ROR1: variants seen among roughly 807,000 people sequenced by gnomAD.
ROR1 encodes the protein ROR family WNT receptor 1, also known as inactive tyrosine-protein kinase transmembrane receptor ROR1.
ROR1 carries 19 observed loss-of-function variants against 78.8 expected under a neutral mutation model. That is an observed-to-expected ratio of 0.24 (90% confidence interval 0.17 to 0.35). ROR1 has a LOEUF of 0.35. ROR1 is among the 10% of genes least tolerant of loss of function. The probability of loss-of-function intolerance (pLI) is 1.00; values close to 1 mark genes in which losing one functional copy is unlikely to be tolerated. For synonymous variants in ROR1, 386 were observed against 433.6 expected, an observed-to-expected ratio of 0.89 and a Z score of 1.36; for missense variants, 917 against 1,177.8, an observed-to-expected ratio of 0.78 and a Z score of 3.24.
intron 1 of ROR1, among the ~76,000 whole-genome samples, chr1:63,851,757 T>C (rs1641600407): frequency 6.6e-6 from 1 of 152,258 alleles, no homozygotes. Context: ...AAACATGTGC[T>C]GGGCAAAGGG....
chr1:63,825,976 C>G (rs1037742627), intron 1 of ROR1, among the ~76,000 whole-genome samples: 1 of 152,044 alleles, frequency 6.6e-6, no homozygotes, highest in Admixed American at 6.6e-5. Flanking sequence ...GAAATAAATA[C>G]AAGGAAATAC....
chr1:64,140,706 A>T lies in ROR1; in HGVS notation c.928+280A>T, dbSNP rs1649284731. Among the ~76,000 whole-genome samples the T allele has an allele frequency of 2.6e-5, 4 of 152,240 alleles. No individual in the cohort carries two copies. The South Asian group carries it at 6.2e-4, about 24-fold the overall frequency. On this transcript the variant is annotated intron_variant, in intron 6 of 8. Coordinates refer to ENST00000371079, the MANE Select transcript of ROR1 (RefSeq NM_005012.4). ...CAATTCTACTCCTGAGTATGTAATC[A>T]AAAGAACTGAAAACAGATGTTCAAA... is the stretch of plus-strand genomic sequence containing the variant.
intron 1 of ROR1, among the ~76,000 whole-genome samples, chr1:63,924,925 G>A (rs1645687255): frequency 6.9e-6 from 1 of 145,314 alleles, no homozygotes; most frequent in Non-Finnish European, 1.5e-5. Context: ...GACCAGCAAA[G>A]GGGATGCTTT....
intron 1 of ROR1, among the ~76,000 whole-genome samples, chr1:63,900,086 A>G (rs1378494039): frequency 6.6e-6 from 1 of 152,092 alleles, no homozygotes; most frequent in Non-Finnish European, 1.5e-5. Flanking sequence ...TTTTTATACT[A>G]ATTTTCATGC....
chr1:64,138,866 C>A (rs1258662506), intron 5 of ROR1, among the ~76,000 whole-genome samples: 2 of 152,002 alleles, frequency 1.3e-5, no homozygotes, highest in Non-Finnish European at 2.9e-5. Flanking sequence ...TCCACAAAAG[C>A]AAGTAGACAT....
chr1:64,024,675 T>C (rs986392915), intron 2 of ROR1, among the ~76,000 whole-genome samples: 2 of 152,188 alleles, frequency 1.3e-5, no homozygotes, highest in Admixed American at 6.5e-5. Flanking sequence ...AGGTACCTAC[T>C]ACACAGTGTT....
intron 8 of ROR1, 63 bp from the exon 9 acceptor site, chr1:64,177,365 G>A (rs1650410396): frequency 7.9e-6 from 10 of 1,266,152 alleles, no homozygotes; most frequent in East Asian, 2.3e-5. Context: ...CCCTCCTTTC[G>A]GATGCAAAGC....
chr1:63,952,512 C>A lies in ROR1; in HGVS notation c.92-56793C>A, dbSNP rs1645948338. 2.0e-5 allele frequency among the ~76,000 whole-genome samples: 3 copies of A among 152,200 alleles called. No individual in the cohort carries two copies. In the South Asian group the frequency reaches 6.2e-4, roughly 32 times the overall value. On this transcript the variant is annotated intron_variant, in intron 1 of 8. Coordinates refer to ENST00000371079, the MANE Select transcript of ROR1 (RefSeq NM_005012.4). ...GGCAGAGTTCAGCATAGAAAGAAGG[C>A]CAGTGGCAGCCACTGCAGGGCCCCA... is the stretch of plus-strand genomic sequence containing the variant.
chr1:63,916,113 A>G (rs757666714), intron 1 of ROR1, among the ~76,000 whole-genome samples: 3 of 152,152 alleles, frequency 2.0e-5, no homozygotes, highest in Non-Finnish European at 4.4e-5. Context: ...AAACATTTCT[A>G]CCCTATTTTT....
At chr1:64,050,041 G>A in intron 3 of ROR1, 63 bp downstream of exon 3, 1 of 1,559,262 alleles carries the variant, frequency 6.4e-7, no homozygotes, top group Non-Finnish European at 8.8e-7. Context: ...GATGGCTAGA[G>A]TCCACAGGGA....
intron 1 of ROR1, among the ~76,000 whole-genome samples, chr1:63,892,209 T>C (rs1645402858): frequency 6.6e-6 from 1 of 152,094 alleles, no homozygotes; most frequent in African/African-American, 2.4e-5. Flanking sequence ...CACAATTGAA[T>C]AGGGGAAAAG....
chr1:63,916,203 G>A (rs944381089), intron 1 of ROR1, among the ~76,000 whole-genome samples: 12 of 152,168 alleles, frequency 7.9e-5, no homozygotes, highest in Admixed American at 5.2e-4. Context: ...TTTCCTCTTC[G>A]CATGAACAAT....
At chr1:64,003,310 G>T (rs183796151) in intron 1 of ROR1, among the ~76,000 whole-genome samples, 2 of 151,796 alleles carry the variant, frequency 1.3e-5, no homozygotes, top group African/African-American at 4.8e-5. Flanking sequence ...ACATATATAA[G>T]AATTATGCTG....
intron 1 of ROR1, among the ~76,000 whole-genome samples, chr1:63,784,867 T>C (rs1644674450): frequency 6.6e-6 from 1 of 152,238 alleles, no homozygotes; most frequent in African/African-American, 2.4e-5. Context: ...TTAAGATTTT[T>C]CACAGGATGG....
chr1:63,896,656 A>G (rs1451583582), intron 1 of ROR1, among the ~76,000 whole-genome samples: 3 of 152,166 alleles, frequency 2.0e-5, no homozygotes, highest in Non-Finnish European at 4.4e-5. Flanking sequence ...AAAACTGACT[A>G]GTCTACAGTT....
At chr1:63,844,788 C>T (rs569324485) in intron 1 of ROR1, among the ~76,000 whole-genome samples, 1 of 152,146 alleles carries the variant, frequency 6.6e-6, no homozygotes, top group African/African-American at 2.4e-5. Flanking sequence ...CTAGGCAATC[C>T]TAATTACTCC....
chr1:63,894,097 C>T (rs1360590431), intron 1 of ROR1, among the ~76,000 whole-genome samples: 6 of 152,114 alleles, frequency 3.9e-5, no homozygotes, highest in Admixed American at 6.5e-5. Flanking sequence ...AACATAAGTG[C>T]GTGATATTGT....
intron 4 of ROR1, among the ~76,000 whole-genome samples, chr1:64,071,568 C>T (rs1647004058): frequency 1.3e-5 from 2 of 151,890 alleles, no homozygotes; most frequent in South Asian, 2.1e-4. Flanking sequence ...CCCCCCCGCC[C>T]CACCACCCAC....
Position 63,923,517 on chromosome 1 carries a change from C to T in ROR1, c.92-85788C>T, listed in dbSNP as rs1425224750. 3.3e-5 allele frequency among the ~76,000 whole-genome samples: 5 copies of T among 151,896 alleles called. No homozygotes were observed. The Admixed American group carries it at 3.3e-4, about 10-fold the overall frequency. ...TCATCCTTAATTTTTCTCTTTCCCT[C>T]TCCTCTCAGAAGTCATCACAAATTC... On this transcript the variant is annotated intron_variant, in intron 1 of 8. Coordinates refer to ENST00000371079, the MANE Select transcript of ROR1 (RefSeq NM_005012.4).
Sources: gnomAD v4.1 joint callset for allele counts (sites outside exome capture counted in the v4.1 genomes callset) on GRCh38, gnomAD v4.1.1 for gene constraint, MANE v1.5 for transcripts, NCBI Gene and HGNC (gene_info 2026-07-23, HGNC 2026-07-21) for gene names.